TOGARAM2: variants seen among roughly 807,000 people sequenced by gnomAD.
The protein encoded by TOGARAM2 is TOG array regulator of axonemal microtubules protein 2.
TOGARAM2 carries 85 observed loss-of-function variants against 93.3 expected under a neutral mutation model. The observed-to-expected ratio is 0.91, with a 90% CI of 0.76 to 1.09. TOGARAM2 has a LOEUF of 1.09. TOGARAM2 is among the 50% of genes least tolerant of loss of function. TOGARAM2 has a pLI of 0.00. For synonymous variants in TOGARAM2, 593 were observed against 552.8 expected (o/e 1.07, Z -1.02); for missense variants, 1,277 against 1,334.5 (o/e 0.96, Z 0.67).
chr2:29,001,739 C>T (rs1261007127), intron 4 of TOGARAM2, among the ~76,000 whole-genome samples: 2 of 152,224 alleles, frequency 1.3e-5, no homozygotes, highest in Non-Finnish European at 2.9e-5. Context: ...GTGATCCTCC[C>T]GTTCTCGGCC....
Position 29,033,006 on chromosome 2 carries a change from C to T in TOGARAM2, c.2085C>T (p.Leu695=), listed in dbSNP as rs751051463. 7 of 1,613,902 alleles carry T rather than the reference C, an allele frequency of 4.3e-6. No individual in the cohort carries two copies. The Admixed American group carries it at 8.3e-5, about 19-fold the overall frequency. ...TKFDAFLKQS[L]PSYDLQKVMA... is the part of the protein sequence containing the mutation. Reference sequence around the variant, plus strand: ...TTGATGCATTTCTGAAGCAATCTCTCCCATCTTACGACTTGCAGAAGGTCA... The same window carrying T: ...TTGATGCATTTCTGAAGCAATCTCTTCCATCTTACGACTTGCAGAAGGTCA... Residue 695 remains leucine, a synonymous_variant, in exon 15 of 20, where the codon CTC becomes CTT. Coordinates refer to ENST00000379558, the MANE Select transcript of TOGARAM2 (RefSeq NM_199280.4).
At chr2:28,994,031 G>A (rs1263944329) in intron 1 of TOGARAM2, among the ~76,000 whole-genome samples, 1 of 152,230 alleles carries the variant, frequency 6.6e-6, no homozygotes, top group Non-Finnish European at 1.5e-5. Flanking sequence ...CATTATCGCA[G>A]CAAAGGATTC....
At chr2:28,987,176 CAT>C (rs1474563415) in intron 1 of TOGARAM2, among the ~76,000 whole-genome samples, 1 of 152,200 alleles carries the variant, frequency 6.6e-6, no homozygotes, top group Non-Finnish European at 1.5e-5. Context: ...AGCTCAATGA[CAT>C]AGTATTTGGA....
At chr2:29,044,729 T>C (rs1666636739) in intron 18 of TOGARAM2, among the ~76,000 whole-genome samples, 1 of 151,880 alleles carries the variant, frequency 6.6e-6, no homozygotes, top group African/African-American at 2.4e-5. Context: ...ATAGATGATA[T>C]CAGTATGTGT....
chr2:28,992,021 T>C (rs1672757460), intron 1 of TOGARAM2, among the ~76,000 whole-genome samples: 1 of 152,166 alleles, frequency 6.6e-6, no homozygotes, highest in Non-Finnish European at 1.5e-5. Flanking sequence ...TTTAGCCCTT[T>C]GGGTCAGGGG....
In TOGARAM2 at chr2:28,994,792, G is replaced by T; in HGVS notation, c.-43G>T. 6.4e-7 allele frequency: 1 copy of T among 1,551,236 alleles called. No homozygotes were observed. Among genetic ancestry groups the T allele is most frequent in the Non-Finnish European group, 8.7e-7 (1 of 1,146,636 alleles). ...CTGTACTCACTGCCCAGAAATAGCT[G>T]CTGCCTCTGGGCAACCTTGTAGGCA... On this transcript the variant is annotated 5_prime_UTR_variant, in exon 2 of 20. Transcript: ENST00000379558.
chr2:28,981,348 C>T lies in TOGARAM2; in HGVS notation c.-301C>T, dbSNP rs4994629. 0.16 allele frequency: 25,084 copies of T among 152,356 alleles called. 2,197 individuals are homozygous for T. Among genetic ancestry groups the T allele is most frequent in the South Asian group, 0.24 (1,134 of 4,822 alleles). The allele number at this position is 152,356 out of a possible 1,614,324, so 9.4% of individuals were successfully genotyped here. On this transcript the variant is annotated 5_prime_UTR_variant, in exon 1 of 20. Coordinates refer to ENST00000379558, the MANE Select transcript of TOGARAM2 (RefSeq NM_199280.4). ...GAGCTGGAGCACGCCAGCAGTGGAG[C>T]TCGTGGCCACCCAGCCCCTGCTCAG...
At chr2:29,011,658 C>T (rs756979167) in intron 7 of TOGARAM2, among the ~76,000 whole-genome samples, 157 bp downstream of exon 7, 7 of 152,184 alleles carry the variant, frequency 4.6e-5, no homozygotes, top group African/African-American at 7.2e-5. Context: ...GAGGTCTAAC[C>T]GGAGGGTGGC....
chr2:29,004,388 A>G (rs1673498515), intron 6 of TOGARAM2, among the ~76,000 whole-genome samples: 1 of 152,220 alleles, frequency 6.6e-6, no homozygotes, highest in Non-Finnish European at 1.5e-5. Flanking sequence ...TATCATGTGT[A>G]TGGGGGACAG....
Position 29,011,478 on chromosome 2 carries a change from G to T in TOGARAM2, c.854G>T (p.Arg285Leu), listed in dbSNP as rs753206200. 4.4e-6 allele frequency: 7 copies of T among 1,606,988 alleles called. 1 individual carries two copies. The Admixed American group carries it at 1.0e-4, about 24-fold the overall frequency. Residue 285 changes from arginine (R) to leucine (L), a missense_variant, in exon 7 of 20, where the codon CGG (arginine) becomes CTG (leucine). Physicochemically the swap from Arg to Leu is moderately radical, Grantham distance 102 (BLOSUM62 -2). Coordinates refer to ENST00000379558, the MANE Select transcript of TOGARAM2 (RefSeq NM_199280.4). ...AGATTGGCTCGGGGGAGTGGGCCTC[G>T]GGAGAAGACCCCTGCATCTCTGGGT... ...RTRLARGSGPREKTPASLEPK... is the reference protein window; with the variant it reads ...RTRLARGSGPLEKTPASLEPK...
At chr2:29,038,992 T>C (rs1447585129) in intron 18 of TOGARAM2, among the ~76,000 whole-genome samples, 2 of 152,196 alleles carry the variant, frequency 1.3e-5, no homozygotes, top group Admixed American at 6.5e-5. Context: ...CTGGGAATGG[T>C]TCTTATCTGC....
At chr2:28,983,221 T>TCCATG (rs1672311095) in intron 1 of TOGARAM2, among the ~76,000 whole-genome samples, 1 of 79,386 alleles carries the variant, frequency 1.3e-5, no homozygotes, top group Non-Finnish European at 3.0e-5. Context: ...TTTTTTTTTT[T>TCCATG]TTTTTGTAGA....
chr2:28,968,869 A>G (rs1229062253), intron 1 of TOGARAM2, among the ~76,000 whole-genome samples: 1 of 118,876 alleles, frequency 8.4e-6, no homozygotes, highest in Non-Finnish European at 2.0e-5. Context: ...CGCATGCCGA[A>G]CGTGCTTCTG....
At chr2:28,968,918 A>G (rs971299126) in intron 1 of TOGARAM2, among the ~76,000 whole-genome samples, 1 of 151,878 alleles carries the variant, frequency 6.6e-6, no homozygotes, top group Non-Finnish European at 1.5e-5. Flanking sequence ...AAGGGTCCTT[A>G]AAGAGCCATT....
chr2:28,974,848 C>T (rs1672001167), intron 1 of TOGARAM2, among the ~76,000 whole-genome samples: 1 of 151,858 alleles, frequency 6.6e-6, no homozygotes, highest in Non-Finnish European at 1.5e-5. Flanking sequence ...CCAGTCTGGT[C>T]TTGAACTCCT....
In TOGARAM2 at chr2:29,014,447, GC is replaced by G; in HGVS notation, c.932del (p.Pro311LeufsTer12). 1.2e-6 allele frequency: 2 copies of G among 1,607,756 alleles called. No homozygotes were observed. The highest frequency in any genetic ancestry group is 1.7e-6 in the Non-Finnish European group (2 of 1,177,370). On this transcript the variant is annotated frameshift_variant, in exon 8 of 20. Transcript: ENST00000379558. LOFTEE classifies it high-confidence loss of function. ...GAGACAGGCCTGCCGCTGCCAAGAAGCCTGCCCTGCCTTTTTCTCAGTCTGC... is the reference window on the plus strand; with the variant it reads ...GAGACAGGCCTGCCGCTGCCAAGAAGCTGCCCTGCCTTTTTCTCAGTCTGC... Reference protein sequence around the residue: ...IRDRPAAAKKPALPFSQSAPT... With the variant: ...IRDRPAAAKKXALPFSQSAPT...
intron 12 of TOGARAM2, 31 bp downstream of exon 12, chr2:29,023,222 T>C: frequency 6.5e-7 from 1 of 1,536,646 alleles, no homozygotes; most frequent in Non-Finnish European, 8.8e-7. Context: ...TGCTGTGCAT[T>C]TGGCCCCACT....
intron 1 of TOGARAM2, among the ~76,000 whole-genome samples, chr2:28,986,702 C>T (rs1048023307): frequency 1.3e-5 from 2 of 152,170 alleles, no homozygotes; most frequent in Non-Finnish European, 2.9e-5. Context: ...TCAGCCAGGC[C>T]TCTGTAGCTT....
At chr2:28,996,755 C>T (rs890922266) in intron 2 of TOGARAM2, among the ~76,000 whole-genome samples, 7 of 117,918 alleles carry the variant, frequency 5.9e-5, no homozygotes, top group Admixed American at 1.3e-4. Flanking sequence ...ACCCAGGAGG[C>T]GGAGGTTGCA....
Sources: allele counts gnomAD v4.1 joint callset (sites outside exome capture counted in the v4.1 genomes callset), GRCh38; gene constraint gnomAD v4.1.1; transcripts MANE v1.5; gene names NCBI Gene and HGNC (gene_info 2026-07-23, HGNC 2026-07-21).